PEAK1: variants seen among roughly 807,000 people sequenced by gnomAD.
PEAK1 encodes inactive tyrosine-protein kinase PEAK1.
A neutral mutation model predicts 124.7 loss-of-function variants in PEAK1; 54 were observed. The observed-to-expected ratio is 0.43, with a 90% confidence interval of 0.35 to 0.54. PEAK1 has a LOEUF of 0.54. Ranked by LOEUF, PEAK1 falls within the 20% of genes least tolerant of loss-of-function variation. The pLI, the probability that PEAK1 is intolerant of heterozygous loss-of-function variation, is 0.01. For missense variants in PEAK1, 2,046 were observed against 2,134.5 expected, an observed-to-expected ratio of 0.96 and a Z score of 0.82; for synonymous variants, 719 against 760.0, an observed-to-expected ratio of 0.95 and a Z score of 0.89.
intron 6 of PEAK1, chr15:77,205,199 T>C (rs1263011841): frequency 1.1e-5 from 3 of 268,596 alleles, no homozygotes; most frequent in East Asian, 2.7e-4. Context: ...GTTTTTTTAG[T>C]AGCTCTAGAC....
chr15:77,320,633 T>C (rs2065142666), intron 2 of PEAK1, among the ~76,000 whole-genome samples: 1 of 152,172 alleles, frequency 6.6e-6, no homozygotes. Context: ...TGTGCCAAAG[T>C]TTAAGACTTT....
chr15:77,402,064 A>C (rs1239334765), intron 1 of PEAK1: 55 of 753,288 alleles, frequency 7.3e-5, no homozygotes, highest in Non-Finnish European at 8.9e-5. Flanking sequence ...CTGGGCGTAG[A>C]GGCATGCACC....
chr15:77,347,684 G>T, intron 2 of PEAK1: 1 of 969,414 alleles, frequency 1.0e-6, no homozygotes, highest in Non-Finnish European at 1.2e-6. Context: ...TCCTAAAACA[G>T]AAATTTTTAG....
chr15:77,331,488 G>A (rs1360168619), intron 2 of PEAK1, among the ~76,000 whole-genome samples: 1 of 151,968 alleles, frequency 6.6e-6, no homozygotes, highest in African/African-American at 2.4e-5. Flanking sequence ...AAATATCCTT[G>A]TATACACAGA....
chr15:77,179,872 ACAGT>A lies in PEAK1; in HGVS notation c.2051_2054del (p.Asp684ValfsTer61). Reference sequence around the variant, plus strand: ...TGTTTGAAAACCCTTTAGTTTGAAGACAGTCAGTGGTTTTGCTAGTGGTGTTATC... The same window carrying A: ...TGTTTGAAAACCCTTTAGTTTGAAGACAGTGGTTTTGCTAGTGGTGTTATC... On this transcript the variant is annotated frameshift_variant, in exon 7 of 10. Transcript: ENST00000682557. LOFTEE classifies it high-confidence loss of function. 6.2e-7 allele frequency: 1 copy of A among 1,614,056 alleles called. No individual in the cohort carries two copies. The highest frequency in any genetic ancestry group is 8.5e-7 in the Non-Finnish European group (1 of 1,179,984).
chr15:77,361,457 C>CA (rs981781042), intron 2 of PEAK1, among the ~76,000 whole-genome samples: 9 of 151,576 alleles, frequency 5.9e-5, no homozygotes, highest in African/African-American at 1.2e-4. Flanking sequence ...CAAAAACAAT[C>CA]AAAAAAAGAA....
chr15:77,246,926 G>C (rs143426895), intron 6 of PEAK1, among the ~76,000 whole-genome samples: 7 of 152,086 alleles, frequency 4.6e-5, no homozygotes, highest in Non-Finnish European at 1.0e-4. Flanking sequence ...GCTGAGGTTC[G>C]AGAATCGTTT....
intron 8 of PEAK1, among the ~76,000 whole-genome samples, chr15:77,136,329 T>C (rs562985749): frequency 6.6e-6 from 1 of 152,272 alleles, no homozygotes; most frequent in East Asian, 1.9e-4. Context: ...ACCTAGGTGC[T>C]GTTAAAGGCA....
At chr15:77,174,756 A>C (rs907960019) in intron 7 of PEAK1, among the ~76,000 whole-genome samples, 12 of 152,266 alleles carry the variant, frequency 7.9e-5, no homozygotes, top group African/African-American at 2.9e-4. Flanking sequence ...AACTACTTTA[A>C]AGTTCATATG....
chr15:77,413,680 T>G (rs1460401189), intron 1 of PEAK1, among the ~76,000 whole-genome samples: 2 of 152,176 alleles, frequency 1.3e-5, no homozygotes, highest in Non-Finnish European at 2.9e-5. Context: ...AAAAGAATAC[T>G]AGAAAAACTG....
chr15:77,150,445 C>A (rs2054512194), intron 8 of PEAK1, among the ~76,000 whole-genome samples: 1 of 151,946 alleles, frequency 6.6e-6, no homozygotes, highest in African/African-American at 2.4e-5. Context: ...TTCACAGAGG[C>A]AATGCTTTAT....
intron 8 of PEAK1, among the ~76,000 whole-genome samples, chr15:77,134,761 G>C (rs145041537): frequency 2.6e-5 from 4 of 152,064 alleles, no homozygotes; most frequent in African/African-American, 7.2e-5. Context: ...GAGTTATAAG[G>C]CTCTGTTATG....
At chr15:77,417,340 G>A (rs894266734) in intron 1 of PEAK1, 2 of 983,092 alleles carry the variant, frequency 2.0e-6, no homozygotes, top group African/African-American at 3.5e-5. Context: ...CTGGCCTGAA[G>A]GTTACTAGGA....
chr15:77,341,274 T>G (rs1021798540), intron 2 of PEAK1, among the ~76,000 whole-genome samples: 1 of 151,770 alleles, frequency 6.6e-6, no homozygotes, highest in African/African-American at 2.4e-5. Flanking sequence ...GGGAGGCGGG[T>G]GGATCATCTG....
chr15:77,315,409 T>C (rs550691559), intron 2 of PEAK1, among the ~76,000 whole-genome samples: 2 of 152,300 alleles, frequency 1.3e-5, no homozygotes, highest in African/African-American at 4.8e-5. Flanking sequence ...CTTTAAAAGA[T>C]TCAGACTAAC....
At chr15:77,414,912 T>C (rs1214059991) in intron 1 of PEAK1, among the ~76,000 whole-genome samples, 1 of 152,224 alleles carries the variant, frequency 6.6e-6, no homozygotes, top group African/African-American at 2.4e-5. Flanking sequence ...AGTTCTTCAG[T>C]AGAGCTACAA....
At chr15:77,206,095 C>T (rs1456394879) in intron 6 of PEAK1, among the ~76,000 whole-genome samples, 6 of 103,844 alleles carry the variant, frequency 5.8e-5, no homozygotes, top group South Asian at 4.0e-4. Context: ...TTTGTTCTTG[C>T]GATAGTTTAC....
At chr15:77,182,562 G>T (rs2057331042) in intron 6 of PEAK1, among the ~76,000 whole-genome samples, 1 of 151,754 alleles carries the variant, frequency 6.6e-6, no homozygotes, top group African/African-American at 2.4e-5. Flanking sequence ...GACCAGCCTG[G>T]CTAACATGAT....
intron 6 of PEAK1, among the ~76,000 whole-genome samples, chr15:77,231,086 A>G (rs1408608410): frequency 1.3e-5 from 2 of 152,180 alleles, no homozygotes; most frequent in African/African-American, 4.8e-5. Flanking sequence ...AAAAGCATCA[A>G]CAATGTATAC....
Sources: allele counts gnomAD v4.1 joint callset (sites outside exome capture counted in the v4.1 genomes callset), GRCh38; gene constraint gnomAD v4.1.1; transcripts MANE v1.5; gene names NCBI Gene and HGNC (gene_info 2026-07-23, HGNC 2026-07-21).